The following FMNL2 variants were observed in gnomAD, a reference collection of about 807,000 sequenced individuals.
The protein encoded by FMNL2 is formin like 2.
FMNL2 carries 51 observed loss-of-function variants against 130.2 expected under a neutral mutation model. The observed-to-expected ratio is 0.39, with a 90% CI of 0.31 to 0.49. The LOEUF is 0.49. Ranked by LOEUF, FMNL2 falls within the 20% of genes least tolerant of loss-of-function variation. The pLI is 0.85. For synonymous variants in FMNL2, 465 were observed against 467.1 expected, an observed-to-expected ratio of 1.00 and a Z score of 0.06; for missense variants, 977 against 1,316.2, an observed-to-expected ratio of 0.74 and a Z score of 3.99.
intron 1 of FMNL2, among the ~76,000 whole-genome samples, chr2:152,457,781 G>C (rs753144052): frequency 5.3e-5 from 8 of 152,220 alleles, no homozygotes; most frequent in Non-Finnish European, 1.0e-4. Context: ...TGGCAGGGCT[G>C]TGTTCCTTCT....
At chr2:152,645,509 TGGA>T in intron 25 of FMNL2, 2 of 1,290,092 alleles carry the variant, frequency 1.6e-6, no homozygotes, top group East Asian at 5.5e-5. Context: ...ACACCGGTGG[TGGA>T]GGATACACAG....
intron 16 of FMNL2, among the ~76,000 whole-genome samples, 153 bp downstream of exon 16, chr2:152,625,715 C>T (rs1681740617): frequency 6.6e-6 from 1 of 152,202 alleles, no homozygotes; most frequent in African/African-American, 2.4e-5. Context: ...TGGAGAATAA[C>T]ATTTGACACT....
At chr2:152,358,526 C>T (rs1311367353) in intron 1 of FMNL2, among the ~76,000 whole-genome samples, 1 of 152,016 alleles carries the variant, frequency 6.6e-6, no homozygotes, top group Non-Finnish European at 1.5e-5. Flanking sequence ...TGGTGCACAC[C>T]TGTAGTCCCA....
intron 10 of FMNL2, among the ~76,000 whole-genome samples, chr2:152,608,360 GAAAAAAAAAAAGAAA>G (rs1375798886): frequency 1.2e-4 from 2 of 16,548 alleles, no homozygotes; most frequent in South Asian, 2.4e-3. Context: ...CCCTTTTTGT[GAAAAAAAAAAAGAAA>G]AAAAAAAAAA....
At chr2:152,403,313 G>T (rs558366416) in intron 1 of FMNL2, among the ~76,000 whole-genome samples, 1 of 151,960 alleles carries the variant, frequency 6.6e-6, no homozygotes, top group South Asian at 2.1e-4. Flanking sequence ...TGTGTACAGC[G>T]TACACTTGAG....
chr2:152,505,865 G>A (rs979739904), intron 1 of FMNL2, among the ~76,000 whole-genome samples: 3 of 152,198 alleles, frequency 2.0e-5, no homozygotes, highest in African/African-American at 7.2e-5. Context: ...TGTAAATCAG[G>A]GCGGCCATAT....
intron 1 of FMNL2, among the ~76,000 whole-genome samples, chr2:152,507,225 T>G (rs981848350): frequency 7.2e-5 from 11 of 152,250 alleles, no homozygotes; most frequent in African/African-American, 2.7e-4. Flanking sequence ...ACATTTCTAT[T>G]TAGTTCATTA....
At chr2:152,397,823 T>TA (rs949462839) in intron 1 of FMNL2, among the ~76,000 whole-genome samples, 11 of 151,972 alleles carry the variant, frequency 7.2e-5, no homozygotes, top group Middle Eastern at 3.2e-3. Flanking sequence ...GTCACTGGTT[T>TA]AAAAAAAATA....
At chr2:152,342,067 G>C (rs556275508) in intron 1 of FMNL2, among the ~76,000 whole-genome samples, 1 of 152,098 alleles carries the variant, frequency 6.6e-6, no homozygotes, top group Non-Finnish European at 1.5e-5. Context: ...GGTGCTTCCT[G>C]GGCTTAAAGA....
At chr2:152,475,561 C>T (rs1232688664) in intron 1 of FMNL2, among the ~76,000 whole-genome samples, 1 of 150,390 alleles carries the variant, frequency 6.6e-6, no homozygotes, top group East Asian at 2.0e-4. Context: ...GTAGTGTGAT[C>T]TCGGCTCACT....
chr2:152,390,023 A>G (rs1285772391), intron 1 of FMNL2: 1 of 1,581,764 alleles, frequency 6.3e-7, no homozygotes, highest in African/African-American at 1.3e-5. Flanking sequence ...AAAAGGATGC[A>G]GAGAATCATG....
chr2:152,457,757 T>C (rs889318525), intron 1 of FMNL2, among the ~76,000 whole-genome samples: 5 of 152,222 alleles, frequency 3.3e-5, no homozygotes, highest in Admixed American at 3.3e-4. Context: ...CCCACTGGGC[T>C]AAAACCAAGG....
chr2:152,451,441 C>A (rs1394120989), intron 1 of FMNL2, among the ~76,000 whole-genome samples: 1 of 152,090 alleles, frequency 6.6e-6, no homozygotes, highest in Admixed American at 6.5e-5. Context: ...AGCTACTGCA[C>A]CCTGCCTGTG....
chr2:152,496,898 A>T (rs1342004593), intron 1 of FMNL2, among the ~76,000 whole-genome samples: 5 of 149,566 alleles, frequency 3.3e-5, no homozygotes, highest in Non-Finnish European at 4.4e-5. Flanking sequence ...TTCCAAGCTT[A>T]TCTTGGATTT....
At position 152,371,446 on chromosome 2, in the gene FMNL2, G is replaced by A. The variant is rs147523707; in HGVS notation, c.117+35726G>A. On this transcript the variant is annotated intron_variant, in intron 1 of 25. Coordinates refer to ENST00000288670, the MANE Select transcript of FMNL2 (RefSeq NM_052905.4). ...AGTACTTTGGGAGGCTGAGGCGGGC[G>A]GATCATGAGTTCAGGAGATTGAAAC... 5.7e-3 allele frequency among the ~76,000 whole-genome samples: 864 copies of A among 152,116 alleles called. 3 individuals carry two copies. Among genetic ancestry groups the A allele is most frequent in the Non-Finnish European group, 9.7e-3 (658 of 67,990 alleles).
chr2:152,464,647 G>A (rs1318950918), intron 1 of FMNL2, among the ~76,000 whole-genome samples: 1 of 152,192 alleles, frequency 6.6e-6, no homozygotes. Flanking sequence ...ACTAGATTGA[G>A]TGTAAAATGA....
chr2:152,496,468 A>G (rs1432745392), intron 1 of FMNL2, among the ~76,000 whole-genome samples: 1 of 152,168 alleles, frequency 6.6e-6, no homozygotes, highest in East Asian at 1.9e-4. Context: ...CAGTAAAGCT[A>G]TGATTTTTCT....
chr2:152,335,711 C>A lies in FMNL2; in HGVS notation c.108C>A (p.Ala36=), dbSNP rs1032912691. The A allele has an allele frequency of 1.3e-6, 2 of 1,580,910 alleles. No homozygotes were observed. The highest frequency in any genetic ancestry group is 1.1e-5 in the South Asian group (1 of 88,740). ...PEPGELEERF[A]IVLNAMNLPP... Reference sequence around the variant, plus strand: ...CAGGTGAACTGGAGGAGCGATTTGCCATCGTGCTGGTAAGTGCGCGGCGGC... The same window carrying A: ...CAGGTGAACTGGAGGAGCGATTTGCAATCGTGCTGGTAAGTGCGCGGCGGC... Residue 36 remains alanine, a synonymous_variant, in exon 1 of 26, where the codon GCC becomes GCA. Transcript: ENST00000288670.
chr2:152,566,979 C>A (rs189350986), intron 6 of FMNL2, among the ~76,000 whole-genome samples: 5 of 152,258 alleles, frequency 3.3e-5, no homozygotes, highest in African/African-American at 1.2e-4. Flanking sequence ...ATGAGCCTGG[C>A]TGCAAGTCGT....
Sources: gnomAD v4.1 joint callset for allele counts (sites outside exome capture counted in the v4.1 genomes callset) on GRCh38, gnomAD v4.1.1 for gene constraint, MANE v1.5 for transcripts, NCBI Gene and HGNC (gene_info 2026-07-23, HGNC 2026-07-21) for gene names.